Variants in APAF1 observed in about 807,000 individuals in gnomAD.
The protein encoded by APAF1 is apoptotic peptidase activating factor 1.
Under a neutral mutation model 152.4 loss-of-function variants are expected in APAF1, and 91 were observed. The ratio of observed to expected loss-of-function variants is 0.60; its 90% CI spans 0.50 to 0.71. APAF1 has a LOEUF of 0.71. APAF1 is among the 30% of genes least tolerant of loss of function. The pLI, the probability that APAF1 is intolerant of heterozygous loss-of-function variation, is 0.00. For missense variants in APAF1, 1,283 were observed against 1,472.0 expected, an observed-to-expected ratio of 0.87 and a Z score of 2.10; for synonymous variants, 484 against 494.1, an observed-to-expected ratio of 0.98 and a Z score of 0.27.
chr12:98,699,279 C>A, intron 16 of APAF1, 129 bp from the exon 17 acceptor site: 2 of 922,170 alleles, frequency 2.2e-6, no homozygotes, highest in Non-Finnish European at 1.6e-6. Context: ...TACAAAAAGT[C>A]ATGCATAGGT....
chr12:98,727,232 A>AGCT lies in APAF1; in HGVS notation c.3520_3522dup (p.Ala1174dup). 6.2e-7 allele frequency: 1 copy of AGCT among 1,614,188 alleles called. No individual in the cohort carries two copies. Among genetic ancestry groups the AGCT allele is most frequent in the Non-Finnish European group, 8.5e-7 (1 of 1,180,026 alleles). On this transcript the variant is annotated inframe_insertion, in exon 26 of 27. Transcript: ENST00000551964. ...TGTGTGCTCCGCTTTCAGAAGAAGG[A>AGCT]GCTGCTACCCATGGAGGCTGGGTGA...
intron 18 of APAF1, among the ~76,000 whole-genome samples, chr12:98,705,299 A>G (rs1354724675): frequency 6.6e-6 from 1 of 152,186 alleles, no homozygotes; most frequent in African/African-American, 2.4e-5. Context: ...TGACAAAGAA[A>G]TGATGGGAGA....
intron 22 of APAF1, among the ~76,000 whole-genome samples, chr12:98,719,516 ATTTT>A (rs60298983): frequency 7.2e-6 from 1 of 138,296 alleles, no homozygotes; most frequent in Admixed American, 7.2e-5. Context: ...TTTCCGGCTA[ATTTT>A]TTTTTTTTTT....
At position 98,649,488 on chromosome 12, in the gene APAF1, A is replaced by T; in HGVS notation, c.330A>T (p.Val110=). The T allele has an allele frequency of 1.2e-6, 2 of 1,614,086 alleles. No homozygotes were observed. Among genetic ancestry groups the T allele is most frequent in the Non-Finnish European group, 1.7e-6 (2 of 1,179,918 alleles). ...KDSVSGITSY[V]RTVLCEGGVP... Reference sequence around the variant, plus strand: ...TGCTTGTTTTGTTTTGGATTTTAGTAAGGACAGTCCTGTGTGAAGGTGGAG... The same window carrying T: ...TGCTTGTTTTGTTTTGGATTTTAGTTAGGACAGTCCTGTGTGAAGGTGGAG... The change falls in exon 4 of 27, where the codon GTA becomes GTT. Residue 110 remains valine, a splice_region_variant and synonymous_variant. Coordinates refer to ENST00000551964, the MANE Select transcript of APAF1 (RefSeq NM_181861.2).
chr12:98,705,691 G>A (rs1381191976), intron 18 of APAF1, among the ~76,000 whole-genome samples: 1 of 152,130 alleles, frequency 6.6e-6, no homozygotes, highest in Non-Finnish European at 1.5e-5. Context: ...TGGTAGACAT[G>A]GTAATAAGCA....
chr12:98,666,449 G>C (rs2097672852), intron 9 of APAF1, 92 bp downstream of exon 9: 8 of 1,262,814 alleles, frequency 6.3e-6, no homozygotes, highest in South Asian at 1.3e-5. Context: ...GATAGTTTCT[G>C]TGCATAAGTC....
At chr12:98,709,570 T>C (rs554477555) in intron 20 of APAF1, among the ~76,000 whole-genome samples, 1 of 152,182 alleles carries the variant, frequency 6.6e-6, no homozygotes, top group East Asian at 1.9e-4. Flanking sequence ...GCGTTGTAGA[T>C]AGTGGCAGCA....
At chr12:98,661,180 C>CCTA (rs2097664755) in intron 5 of APAF1, among the ~76,000 whole-genome samples, 1 of 152,178 alleles carries the variant, frequency 6.6e-6, no homozygotes, top group African/African-American at 2.4e-5. Context: ...GGATTACAGG[C>CCTA]GTGAGCCACT....
At chr12:98,655,455 G>T (rs1471577622) in intron 4 of APAF1, among the ~76,000 whole-genome samples, 1 of 150,674 alleles carries the variant, frequency 6.6e-6, no homozygotes, top group African/African-American at 2.4e-5. Context: ...GGCCGGGCAG[G>T]GGGCTGACCC....
At chr12:98,696,518 G>A (rs987780633) in intron 16 of APAF1, among the ~76,000 whole-genome samples, 3 of 152,190 alleles carry the variant, frequency 2.0e-5, no homozygotes, top group African/African-American at 7.2e-5. Flanking sequence ...TTCAACACGA[G>A]TTTGGGTCAG....
intron 14 of APAF1, among the ~76,000 whole-genome samples, chr12:98,682,627 T>C (rs1296525564): frequency 6.6e-6 from 1 of 152,184 alleles, no homozygotes; most frequent in Non-Finnish European, 1.5e-5. Context: ...TATGGTACCT[T>C]GAAGTCCATA....
intron 12 of APAF1, among the ~76,000 whole-genome samples, chr12:98,676,221 T>A (rs2097686332): frequency 6.6e-6 from 1 of 152,162 alleles, no homozygotes; most frequent in South Asian, 2.1e-4. Flanking sequence ...TATTATTTAT[T>A]TATTTATTTA....
At chr12:98,653,392 C>T (rs896288365) in intron 4 of APAF1, among the ~76,000 whole-genome samples, 14 of 151,646 alleles carry the variant, frequency 9.2e-5, no homozygotes, top group African/African-American at 2.7e-4. Context: ...TGTGGTGGCT[C>T]GTGCCTGTAA....
intron 12 of APAF1, among the ~76,000 whole-genome samples, chr12:98,675,815 G>A (rs1440238527): frequency 6.6e-6 from 1 of 152,202 alleles, no homozygotes; most frequent in African/African-American, 2.4e-5. Flanking sequence ...TTCTACTAAA[G>A]TGTAATACTT....
Position 98,683,291 on chromosome 12 carries a change from A to G in APAF1, c.2178+17A>G. 1 of 1,612,566 alleles carries G rather than the reference A, an allele frequency of 6.2e-7. No individual in the cohort carries two copies. The highest frequency in any genetic ancestry group is 1.1e-5 in the South Asian group (1 of 91,058). On this transcript the variant is annotated intron_variant, in intron 15 of 26. Transcript: ENST00000551964. ...TTCCTCAAAGTAAGTGTGGATATTGAGAATTAGGTAGATAAATTTGATTCG... is the reference window on the plus strand; with the variant it reads ...TTCCTCAAAGTAAGTGTGGATATTGGGAATTAGGTAGATAAATTTGATTCG...
intron 26 of APAF1, among the ~76,000 whole-genome samples, chr12:98,731,296 T>C (rs780804274): frequency 6.6e-6 from 1 of 152,206 alleles, no homozygotes; most frequent in African/African-American, 2.4e-5. Context: ...TTTGTTACAA[T>C]TGATGGATCC....
At chr12:98,714,910 G>A (rs1437286325) in intron 21 of APAF1, among the ~76,000 whole-genome samples, 2 of 142,002 alleles carry the variant, frequency 1.4e-5, no homozygotes, top group African/African-American at 2.6e-5. Context: ...AGTATTATTA[G>A]TCTTTGGCCC....
At chr12:98,694,635 T>C (rs978794749) in intron 16 of APAF1, among the ~76,000 whole-genome samples, 1 of 152,166 alleles carries the variant, frequency 6.6e-6, no homozygotes, top group Admixed American at 6.5e-5. Flanking sequence ...ATGCAGTATC[T>C]TTTATCTTTT....
chr12:98,703,323 T>C (rs2097717706), intron 17 of APAF1, 48 bp from the exon 18 acceptor site: 5 of 1,599,772 alleles, frequency 3.1e-6, no homozygotes, highest in Non-Finnish European at 4.3e-6. Context: ...GAATAGCTTA[T>C]CTCTTAAAGT....
Sources: gnomAD v4.1 joint callset for allele counts (sites outside exome capture counted in the v4.1 genomes callset) on GRCh38, gnomAD v4.1.1 for gene constraint, MANE v1.5 for transcripts, NCBI Gene and HGNC (gene_info 2026-07-23, HGNC 2026-07-21) for gene names.